The following ZNF407 variants were observed in gnomAD, a reference collection of about 807,000 sequenced individuals.
The protein encoded by ZNF407 is zinc finger protein 407.
A neutral mutation model predicts 131.2 loss-of-function variants in ZNF407; 17 were observed. The ratio of observed to expected loss-of-function variants is 0.13; its 90% CI spans 0.09 to 0.19. The LOEUF is 0.19. ZNF407 is among the 10% of genes least tolerant of loss of function. The probability of loss-of-function intolerance (pLI) is 1.00; values close to 1 mark genes in which losing one functional copy is unlikely to be tolerated. For synonymous variants in ZNF407, 1,156 were observed against 1,062.0 expected, an observed-to-expected ratio of 1.09 and a Z score of -1.72; for missense variants, 2,681 against 2,830.6, an observed-to-expected ratio of 0.95 and a Z score of 1.20.
At chr18:74,804,568 C>T in intron 4 of ZNF407, 1 of 986,152 alleles carries the variant, frequency 1.0e-6, no homozygotes, top group Non-Finnish European at 1.2e-6. Flanking sequence ...AGAGGATATT[C>T]ATCACAATGG....
At chr18:74,948,025 G>A (rs1972173002) in intron 8 of ZNF407, among the ~76,000 whole-genome samples, 1 of 152,158 alleles carries the variant, frequency 6.6e-6, no homozygotes, top group South Asian at 2.1e-4. Flanking sequence ...GCAGAACCCA[G>A]GATACTTGTC....
At chr18:74,782,486 A>G (rs989686931) in intron 4 of ZNF407, among the ~76,000 whole-genome samples, 1 of 152,092 alleles carries the variant, frequency 6.6e-6, no homozygotes, top group Non-Finnish European at 1.5e-5. Flanking sequence ...TACTGAGTCA[A>G]AATTTTGGGA....
chr18:74,731,267 T>A (rs541175104), intron 3 of ZNF407, among the ~76,000 whole-genome samples: 1 of 152,342 alleles, frequency 6.6e-6, no homozygotes, highest in East Asian at 1.9e-4. Flanking sequence ...AAGCTTCCTT[T>A]AATTTAGAAA....
chr18:75,001,125 C>CG (rs1295497532), intron 8 of ZNF407, among the ~76,000 whole-genome samples: 2 of 152,124 alleles, frequency 1.3e-5, no homozygotes, highest in Non-Finnish European at 2.9e-5. Context: ...GCCCAGCCTC[C>CG]GCAGTGTTTG....
At chr18:74,825,232 A>G (rs1400386341) in intron 4 of ZNF407, among the ~76,000 whole-genome samples, 1 of 152,212 alleles carries the variant, frequency 6.6e-6, no homozygotes, top group African/African-American at 2.4e-5. Flanking sequence ...AACAGCCATT[A>G]TCATGCTGAA....
At chr18:74,952,594 T>G (rs1972227675) in intron 8 of ZNF407, among the ~76,000 whole-genome samples, 1 of 152,188 alleles carries the variant, frequency 6.6e-6, no homozygotes, top group Non-Finnish European at 1.5e-5. Context: ...CCAGAGAGAA[T>G]GGGAGCAGGA....
At chr18:74,608,590 G>A (rs190266190) in intron 1 of ZNF407, among the ~76,000 whole-genome samples, 139 of 152,144 alleles carry the variant, frequency 9.1e-4, no homozygotes, top group Admixed American at 3.3e-3. Context: ...CAAGTGATCC[G>A]CCTGCCTTGG....
chr18:74,748,396 TTA>T (rs1439552995), intron 3 of ZNF407, among the ~76,000 whole-genome samples: 1 of 151,938 alleles, frequency 6.6e-6, no homozygotes, highest in Non-Finnish European at 1.5e-5. Flanking sequence ...GAGAACATGA[TTA>T]TTCAAATAGC....
intron 7 of ZNF407, among the ~76,000 whole-genome samples, chr18:74,917,404 C>T (rs1261689159): frequency 6.6e-6 from 1 of 152,080 alleles, no homozygotes; most frequent in African/African-American, 2.4e-5. Context: ...ATGCACATAT[C>T]TGTATAAGAA....
intron 4 of ZNF407, among the ~76,000 whole-genome samples, chr18:74,803,124 A>G (rs1372186218): frequency 2.0e-5 from 3 of 152,148 alleles, no homozygotes; most frequent in Non-Finnish European, 4.4e-5. Flanking sequence ...CCCCTTAGCC[A>G]GTTTTGTTAC....
chr18:74,640,528 T>A (rs1278634), intron 2 of ZNF407, among the ~76,000 whole-genome samples: 1,575 of 152,256 alleles, frequency 0.01, 28 homozygotes, highest in African/African-American at 0.035. Flanking sequence ...ACCATTGTTT[T>A]AATGTGAGTA....
chr18:74,738,169 C>G (rs1273436286), intron 3 of ZNF407, among the ~76,000 whole-genome samples: 1 of 151,984 alleles, frequency 6.6e-6, no homozygotes, highest in East Asian at 1.9e-4. Flanking sequence ...CACCTGTAAT[C>G]CCAGCACTTT....
Position 74,881,112 on chromosome 18 carries a change from G to A in ZNF407, c.5121G>A (p.Gln1707=). Residue 1707 remains glutamine, a synonymous_variant, in exon 6 of 9, where the codon CAG becomes CAA. Coordinates refer to ENST00000299687, the MANE Select transcript of ZNF407 (RefSeq NM_017757.3). ...TRHALTKHRR[Q]HTGEKPFKCD... ...ACGCCCTCACCAAGCATCGCAGACA[G>A]CACACAGGTCAGTTCCGATGCTGCA... The A allele has an allele frequency of 1.3e-6, 2 of 1,572,822 alleles. No homozygotes were observed. The highest frequency in any genetic ancestry group is 1.7e-6 in the Non-Finnish European group (2 of 1,159,288).
intron 4 of ZNF407, among the ~76,000 whole-genome samples, chr18:74,844,248 A>C (rs999582266): frequency 1.3e-5 from 2 of 151,858 alleles, no homozygotes; most frequent in Non-Finnish European, 2.9e-5. Context: ...GCTTCTCAGA[A>C]TCCTCCCCTG....
intron 4 of ZNF407, among the ~76,000 whole-genome samples, chr18:74,832,457 T>TC (rs1970498881): frequency 6.6e-6 from 1 of 152,014 alleles, no homozygotes; most frequent in South Asian, 2.1e-4. Context: ...GTTTTTTTTT[T>TC]CTTTTTGTTT....
chr18:74,812,272 G>A (rs1406518910), intron 4 of ZNF407, among the ~76,000 whole-genome samples: 1 of 152,080 alleles, frequency 6.6e-6, no homozygotes, highest in Admixed American at 6.6e-5. Flanking sequence ...TATTTGAGAA[G>A]GTTGTGAAAT....
At chr18:74,960,101 G>A (rs1216391390) in intron 8 of ZNF407, among the ~76,000 whole-genome samples, 1 of 152,188 alleles carries the variant, frequency 6.6e-6, no homozygotes, top group East Asian at 1.9e-4. Context: ...AAATCCTAAC[G>A]CAAGTACCGT....
intron 3 of ZNF407, among the ~76,000 whole-genome samples, chr18:74,660,980 CATGCTATTAT>C (rs1477718034): frequency 6.6e-6 from 1 of 152,144 alleles, no homozygotes; most frequent in African/African-American, 2.4e-5. Context: ...CTCACCACCT[CATGCTATTAT>C]CTATTAAAAG....
At chr18:74,772,491 A>G (rs6565846) in intron 3 of ZNF407, among the ~76,000 whole-genome samples, 100,699 of 152,062 alleles carry the variant, frequency 0.66, 35,178 homozygotes, top group East Asian at 0.95. Flanking sequence ...AATCTAAGCT[A>G]TCATGAGCAG....
Sources: gnomAD v4.1 joint callset for allele counts (sites outside exome capture counted in the v4.1 genomes callset) on GRCh38, gnomAD v4.1.1 for gene constraint, MANE v1.5 for transcripts, NCBI Gene and HGNC (gene_info 2026-07-23, HGNC 2026-07-21) for gene names.